The following FAM20C variants were observed in gnomAD, a reference collection of about 807,000 sequenced individuals.
FAM20C encodes the protein extracellular serine/threonine protein kinase FAM20C.
FAM20C carries 40 observed loss-of-function variants against 51.5 expected under a neutral mutation model. The ratio of observed to expected loss-of-function variants is 0.78; its 90% CI spans 0.60 to 1.01. The LOEUF (loss-of-function observed/expected upper bound fraction) is 1.01, where lower values mean the gene tolerates loss of function less well. FAM20C is among the 50% of genes least tolerant of loss of function. The pLI is 0.00. For synonymous variants in FAM20C, 406 were observed against 380.6 expected (o/e 1.07, Z -0.78); for missense variants, 861 against 844.7 (o/e 1.02, Z -0.24).
intron 5 of FAM20C, among the ~76,000 whole-genome samples, chr7:250,547 G>GT (rs1788355989): frequency 1.3e-5 from 2 of 152,206 alleles, no homozygotes; most frequent in Non-Finnish European, 2.9e-5. Context: ...TTCAGTCCCT[G>GT]TTTGGATGGC....
At chr7:251,882 C>T (rs1008997223) in intron 5 of FAM20C, among the ~76,000 whole-genome samples, 2 of 152,208 alleles carry the variant, frequency 1.3e-5, no homozygotes, top group African/African-American at 4.8e-5. Flanking sequence ...CCTGGACAGA[C>T]GAGTCCTTGA....
At chr7:231,405 C>T (rs968940947) in intron 3 of FAM20C, among the ~76,000 whole-genome samples, 1 of 146,418 alleles carries the variant, frequency 6.8e-6, no homozygotes, top group Non-Finnish European at 1.5e-5. Context: ...GTCCCGGCGT[C>T]GAGGGCCGCG....
chr7:256,853 C>A, intron 7 of FAM20C, 90 bp downstream of exon 7: 1 of 1,439,630 alleles, frequency 6.9e-7, no homozygotes, highest in Non-Finnish European at 9.4e-7. Context: ...CTCCGTGGCA[C>A]GGCCCGGCTG....
rs757913083 is a variant in FAM20C, at chr7:259,971, G to A, written c.1746G>A (p.Ser582=). The change falls in exon 10 of 10, where the codon TCG becomes TCA. Residue 582 remains serine (S), a synonymous_variant. Transcript: ENST00000313766. Reference sequence around the variant, plus strand: ...TGGACACTGAGCACAGAGCCGCCTCGGCGAGGTAGTGTCCGCCGGCCGCTG... The same window carrying A: ...TGGACACTGAGCACAGAGCCGCCTCAGCGAGGTAGTGTCCGCCGGCCGCTG... The part of the protein sequence containing the change: ...DDLDTEHRAA[S]AR 3.2e-5 allele frequency: 48 copies of A among 1,513,620 alleles called. No homozygotes were observed. Among genetic ancestry groups the A allele is most frequent in the Middle Eastern group, 1.7e-4 (1 of 5,750 alleles). 93.8% of individuals were successfully genotyped at this position (1,513,620 alleles called of 1,614,324 possible).
intron 3 of FAM20C, among the ~76,000 whole-genome samples, chr7:240,688 C>G (rs1220593557): frequency 6.6e-6 from 1 of 152,176 alleles, no homozygotes; most frequent in Non-Finnish European, 1.5e-5. Flanking sequence ...GAAGCAAGCC[C>G]TTGGCCAGGC....
chr7:236,869 C>T (rs1787865160), intron 3 of FAM20C, among the ~76,000 whole-genome samples: 2 of 152,064 alleles, frequency 1.3e-5, no homozygotes, highest in Admixed American at 6.6e-5. Context: ...ATCTGGGGTC[C>T]CGGTGGCTGT....
chr7:202,084 T>C (rs1786155048), intron 2 of FAM20C, among the ~76,000 whole-genome samples: 1 of 152,088 alleles, frequency 6.6e-6, no homozygotes, highest in Admixed American at 6.6e-5. Context: ...CTAAAGTTGG[T>C]GGGTTAAGTG....
chr7:208,988 G>C lies in FAM20C; in HGVS notation c.863+12G>C. The C allele has an allele frequency of 6.4e-7, 1 of 1,572,190 alleles. No homozygotes were observed. The highest frequency in any genetic ancestry group is 8.6e-7 in the Non-Finnish European group (1 of 1,158,846). On this transcript the variant is annotated intron_variant, in intron 3 of 9. Coordinates refer to ENST00000313766, the MANE Select transcript of FAM20C (RefSeq NM_020223.4). Reference sequence around the variant, plus strand: ...TTCAAACCCATGAAGTAAGTGCCGAGGCCTGTGGGCTGGGGCGTGAGGAGC... The same window carrying C: ...TTCAAACCCATGAAGTAAGTGCCGACGCCTGTGGGCTGGGGCGTGAGGAGC...
chr7:214,280 A>G (rs1025662826), intron 3 of FAM20C, among the ~76,000 whole-genome samples: 5 of 152,060 alleles, frequency 3.3e-5, no homozygotes, highest in South Asian at 2.1e-4. Flanking sequence ...AGCCGAGATC[A>G]CGCCACCGCA....
chr7:208,995 G>C lies in FAM20C; in HGVS notation c.863+19G>C. Reference sequence around the variant, plus strand: ...CCATGAAGTAAGTGCCGAGGCCTGTGGGCTGGGGCGTGAGGAGCTGGAGCT... The same window carrying C: ...CCATGAAGTAAGTGCCGAGGCCTGTCGGCTGGGGCGTGAGGAGCTGGAGCT... On this transcript the variant is annotated intron_variant, in intron 3 of 9. Transcript: ENST00000313766. The C allele has an allele frequency of 6.4e-7, 1 of 1,567,228 alleles. No homozygotes were observed. Among genetic ancestry groups the C allele is most frequent in the Non-Finnish European group, 8.6e-7 (1 of 1,156,074 alleles).
intron 3 of FAM20C, among the ~76,000 whole-genome samples, chr7:217,782 G>C (rs1233772531): frequency 6.6e-6 from 1 of 152,182 alleles, no homozygotes; most frequent in Non-Finnish European, 1.5e-5. Flanking sequence ...TCACTGCAAA[G>C]CTTTCCATTT....
intron 5 of FAM20C, among the ~76,000 whole-genome samples, chr7:255,628 C>T (rs1392936696): frequency 6.6e-6 from 1 of 152,160 alleles, no homozygotes; most frequent in Non-Finnish European, 1.5e-5. Context: ...AGGCCGGGCT[C>T]TGCCTCTGGG....
chr7:243,020 T>C (rs866788834), intron 3 of FAM20C, among the ~76,000 whole-genome samples: 49 of 127,888 alleles, frequency 3.8e-4, no homozygotes, highest in African/African-American at 1.5e-3. Flanking sequence ...CCAGGAGACC[T>C]GTGCTAACCA....
chr7:259,620 C>G, intron 9 of FAM20C, 111 bp from the exon 10 acceptor site: 1 of 1,159,614 alleles, frequency 8.6e-7, no homozygotes, highest in Non-Finnish European at 1.1e-6. Flanking sequence ...CCCTCTTTCT[C>G]TCTCTGTCTC....
At chr7:193,970 C>T (rs1785724138) in intron 1 of FAM20C, 166 bp downstream of exon 1, 6 of 1,089,618 alleles carry the variant, frequency 5.5e-6, no homozygotes, top group Non-Finnish European at 7.3e-6. Flanking sequence ...CCTTTGTCTC[C>T]AGAATAACCT....
chr7:197,324 A>T (rs1431451740), intron 2 of FAM20C: 1 of 166,462 alleles, frequency 6.0e-6, no homozygotes, highest in Non-Finnish European at 1.5e-5. Context: ...CCGTGTGGAG[A>T]GGAGGGGGCT....
chr7:231,581 G>A (rs1787688357), intron 3 of FAM20C, among the ~76,000 whole-genome samples: 1 of 152,158 alleles, frequency 6.6e-6, no homozygotes, highest in African/African-American at 2.4e-5. Context: ...CAGCTGCACT[G>A]TGTGGCCTGG....
At chr7:211,837 AGGGCACGTGGCG>A (rs1315535727) in intron 3 of FAM20C, among the ~76,000 whole-genome samples, 1 of 152,206 alleles carries the variant, frequency 6.6e-6, no homozygotes, top group African/African-American at 2.4e-5. Flanking sequence ...GTCTTCCCAC[AGGGCACGTGGCG>A]GGCGGAGGCA....
intron 3 of FAM20C, among the ~76,000 whole-genome samples, chr7:243,935 A>ATT (rs1562390928): frequency 1.0e-4 from 12 of 118,240 alleles, no homozygotes; most frequent in South Asian, 3.0e-4. Flanking sequence ...TAATAATAAT[A>ATT]ATAATAATAA....
Sources: allele counts gnomAD v4.1 joint callset (sites outside exome capture counted in the v4.1 genomes callset), GRCh38; gene constraint gnomAD v4.1.1; transcripts MANE v1.5; gene names NCBI Gene and HGNC (gene_info 2026-07-23, HGNC 2026-07-21).